ARNT2: variants seen among roughly 807,000 people sequenced by gnomAD.
The protein encoded by ARNT2 is aryl hydrocarbon receptor nuclear translocator 2.
A neutral mutation model predicts 91.7 loss-of-function variants in ARNT2; 36 were observed. The ratio of observed to expected loss-of-function variants is 0.39; its 90% CI spans 0.30 to 0.52. The LOEUF (loss-of-function observed/expected upper bound fraction) is 0.52. ARNT2 is among the 20% of genes least tolerant of loss of function. The pLI, the probability that ARNT2 is intolerant of heterozygous loss-of-function variation, is 0.72. For synonymous variants in ARNT2, 365 were observed against 347.1 expected, an observed-to-expected ratio of 1.05 and a Z score of -0.57; for missense variants, 775 against 939.3, an observed-to-expected ratio of 0.83 and a Z score of 2.29.
chr15:80,463,158 G>A (rs1319488044), intron 3 of ARNT2, among the ~76,000 whole-genome samples: 7 of 152,298 alleles, frequency 4.6e-5, no homozygotes, highest in African/African-American at 1.4e-4. Context: ...GTGAGAAGAC[G>A]CCTAAAGTAT....
intron 8 of ARNT2, among the ~76,000 whole-genome samples, chr15:80,534,776 C>T (rs539619612): frequency 3.3e-5 from 5 of 152,188 alleles, no homozygotes; most frequent in African/African-American, 1.2e-4. Context: ...GCATTTGAAT[C>T]ATTATCCATG....
At chr15:80,574,406 G>A (rs1422577360) in intron 13 of ARNT2, among the ~76,000 whole-genome samples, 186 bp downstream of exon 13, 3 of 152,196 alleles carry the variant, frequency 2.0e-5, no homozygotes, top group South Asian at 2.1e-4. Flanking sequence ...ATAGAACTGA[G>A]CCATGAAGAA....
intron 1 of ARNT2, among the ~76,000 whole-genome samples, chr15:80,445,757 G>A (rs979935123): frequency 5.9e-5 from 9 of 152,022 alleles, no homozygotes; most frequent in African/African-American, 1.9e-4. Flanking sequence ...GACCACTGGA[G>A]GTCGGAACAG....
At chr15:80,508,022 A>C (rs1188742222) in intron 5 of ARNT2, 134 bp from the exon 6 acceptor site, 6 of 763,326 alleles carry the variant, frequency 7.9e-6, no homozygotes, top group Non-Finnish European at 1.1e-5. Context: ...TGGGAATTCC[A>C]AGACACAAAC....
At chr15:80,497,786 G>A (rs1897140803) in intron 5 of ARNT2, among the ~76,000 whole-genome samples, 1 of 152,174 alleles carries the variant, frequency 6.6e-6, no homozygotes, top group Non-Finnish European at 1.5e-5. Context: ...GAGCAGTGTT[G>A]CAGAGGAGAT....
chr15:80,473,001 G>A (rs1314770040), intron 4 of ARNT2, among the ~76,000 whole-genome samples: 1 of 152,108 alleles, frequency 6.6e-6, no homozygotes, highest in African/African-American at 2.4e-5. Flanking sequence ...CCCTACCTTT[G>A]TTCCTCTCTC....
At chr15:80,420,571 GTATGAATATATATATTATGAACA>G (rs1346304013) in intron 1 of ARNT2, among the ~76,000 whole-genome samples, 5 of 151,888 alleles carry the variant, frequency 3.3e-5, no homozygotes, top group African/African-American at 9.7e-5. Context: ...GAGAGCATCT[GTATGAATATATATATTATGAACA>G]TATGAATATA....
intron 8 of ARNT2, among the ~76,000 whole-genome samples, chr15:80,547,031 A>G (rs1898001755): frequency 6.6e-6 from 1 of 152,124 alleles, no homozygotes; most frequent in Non-Finnish European, 1.5e-5. Flanking sequence ...GAAAAATGAT[A>G]TAAAAAGAGA....
chr15:80,437,286 G>A (rs558841020), intron 1 of ARNT2, among the ~76,000 whole-genome samples: 6 of 152,104 alleles, frequency 3.9e-5, no homozygotes, highest in South Asian at 2.1e-4. Context: ...AGCTGGTGGC[G>A]GTGTCTCCCC....
intron 12 of ARNT2, among the ~76,000 whole-genome samples, chr15:80,572,440 T>C (rs1898600708): frequency 6.6e-6 from 1 of 151,692 alleles, no homozygotes; most frequent in African/African-American, 2.4e-5. Context: ...CCACACCTGC[T>C]CCTCCCCACC....
intron 1 of ARNT2, among the ~76,000 whole-genome samples, chr15:80,413,540 A>G (rs1895721238): frequency 6.6e-6 from 1 of 152,220 alleles, no homozygotes; most frequent in Admixed American, 6.5e-5. Flanking sequence ...AACTGAGGAT[A>G]AATGTGTTTG....
intron 3 of ARNT2, among the ~76,000 whole-genome samples, chr15:80,459,452 C>T (rs1318670181): frequency 6.6e-6 from 1 of 152,178 alleles, no homozygotes; most frequent in Non-Finnish European, 1.5e-5. Flanking sequence ...CAGCCTCCCT[C>T]TATGAAGGAA....
At chr15:80,521,664 A>G (rs1566992527) in intron 8 of ARNT2, among the ~76,000 whole-genome samples, 2 of 152,302 alleles carry the variant, frequency 1.3e-5, no homozygotes, top group East Asian at 3.9e-4. Flanking sequence ...ATATGGCAAA[A>G]TAATACATTT....
At chr15:80,513,812 G>T in intron 6 of ARNT2, 99 bp from the exon 7 acceptor site, 2 of 991,900 alleles carry the variant, frequency 2.0e-6, no homozygotes, top group Non-Finnish European at 1.6e-6. Flanking sequence ...GAATAAATGT[G>T]TAAGCATCAA....
chr15:80,479,340 G>C (rs1896852276), intron 5 of ARNT2, among the ~76,000 whole-genome samples: 1 of 152,162 alleles, frequency 6.6e-6, no homozygotes, highest in South Asian at 2.1e-4. Flanking sequence ...TGGGTGAAAG[G>C]TTATATACAG....
intron 1 of ARNT2, among the ~76,000 whole-genome samples, chr15:80,428,678 T>C (rs1895966007): frequency 6.6e-6 from 1 of 152,126 alleles, no homozygotes; most frequent in Admixed American, 6.5e-5. Flanking sequence ...TTAAAAGGAG[T>C]GAATTCTGTC....
At chr15:80,413,923 T>C (rs1410753006) in intron 1 of ARNT2, among the ~76,000 whole-genome samples, 1 of 152,116 alleles carries the variant, frequency 6.6e-6, no homozygotes, top group Non-Finnish European at 1.5e-5. Context: ...CTAACAGCAG[T>C]TAAAAAAGCC....
At chr15:80,432,841 C>T (rs1050395835) in intron 1 of ARNT2, among the ~76,000 whole-genome samples, 2 of 152,150 alleles carry the variant, frequency 1.3e-5, no homozygotes, top group African/African-American at 4.8e-5. Context: ...CCCCTATCTT[C>T]AAGTATTGGA....
chr15:80,519,318 G>A (rs190520758), intron 8 of ARNT2, among the ~76,000 whole-genome samples: 13 of 152,244 alleles, frequency 8.5e-5, no homozygotes, highest in Admixed American at 3.3e-4. Context: ...GGGGGAAGAG[G>A]AATACATTTT....
Sources: allele counts gnomAD v4.1 joint callset (sites outside exome capture counted in the v4.1 genomes callset), GRCh38; gene constraint gnomAD v4.1.1; transcripts MANE v1.5; gene names NCBI Gene and HGNC (gene_info 2026-07-23, HGNC 2026-07-21).